Variants in XDH observed in about 807,000 individuals in gnomAD.
XDH encodes xanthine dehydrogenase.
Under a neutral mutation model 156.1 loss-of-function variants are expected in XDH, and 138 were observed. The ratio of observed to expected loss-of-function variants is 0.88; its 90% CI spans 0.77 to 1.02. The LOEUF (loss-of-function observed/expected upper bound fraction) is 1.02, where lower values mean the gene tolerates loss of function less well. Among genes scored for constraint, XDH ranks in the 50% least tolerant of loss-of-function variants. The probability of loss-of-function intolerance (pLI) is 0.00; values close to 1 mark genes in which losing one functional copy is unlikely to be tolerated. For missense variants in XDH, 1,849 were observed against 1,684.9 expected, an observed-to-expected ratio of 1.10 and a Z score of -1.71; for synonymous variants, 669 against 625.7, an observed-to-expected ratio of 1.07 and a Z score of -1.03.
Position 31,372,303 on chromosome 2 carries a change from C to G in XDH, c.1781G>C (p.Cys594Ser), listed in dbSNP as rs1362359913. ...ATTCTCGTAGCGAGGAATGTCGTCA[C>G]AGTACACGGCCTCACCAGAGGCCTG... Reference protein sequence around the residue: ...DMQASGEAVYCDDIPRYENEL... With the variant: ...DMQASGEAVYSDDIPRYENEL... Residue 594 changes from cysteine to serine, a missense_variant, in exon 17 of 36, where the codon TGT (cysteine) becomes TCT (serine). Transcript: ENST00000379416. The G allele has an allele frequency of 1.9e-6, 3 of 1,614,228 alleles. No homozygotes were observed. In the Admixed American group the frequency reaches 5.0e-5, roughly 27 times the overall value.
chr2:31,362,605 G>A (rs1685805470), intron 24 of XDH, among the ~76,000 whole-genome samples: 3 of 152,242 alleles, frequency 2.0e-5, no homozygotes, highest in Admixed American at 2.0e-4. Flanking sequence ...AATTCCTAAA[G>A]TAATTTACTA....
chr2:31,356,196 C>A (rs1252899877), intron 24 of XDH, among the ~76,000 whole-genome samples: 1 of 152,140 alleles, frequency 6.6e-6, no homozygotes, highest in Non-Finnish European at 1.5e-5. Context: ...ATGCTCCTCT[C>A]TCAAAATTGG....
intron 2 of XDH, among the ~76,000 whole-genome samples, chr2:31,405,550 T>C (rs1201381653): frequency 7.2e-5 from 11 of 152,244 alleles, no homozygotes; most frequent in African/African-American, 1.4e-4. Flanking sequence ...AGGAACTCCA[T>C]TTATGTATTA....
At chr2:31,388,695 G>C (rs1413220629) in intron 6 of XDH, among the ~76,000 whole-genome samples, 1 of 152,212 alleles carries the variant, frequency 6.6e-6, no homozygotes, top group Non-Finnish European at 1.5e-5. Flanking sequence ...AGATCAGCAA[G>C]GTTCTAGGGG....
At position 31,377,104 on chromosome 2, in the gene XDH, A is replaced by T; in HGVS notation, c.1376T>A (p.Met459Lys). ...VQELALCYGG[M>K]ANRTISALKT... ...GAGGGCTGAGATGGTTCTGTTGGCC[A>T]TTCCACCATAGCAAAGGGCCAGCTC... The change falls in exon 14 of 36, where the codon ATG becomes AAG. Residue 459 changes from methionine to lysine, a missense_variant. Transcript: ENST00000379416. 1.9e-6 allele frequency: 3 copies of T among 1,614,146 alleles called. No homozygotes were observed. The highest frequency in any genetic ancestry group is 2.5e-6 in the Non-Finnish European group (3 of 1,180,014).
chr2:31,365,042 A>G (rs1462058543), intron 23 of XDH, among the ~76,000 whole-genome samples: 1 of 152,178 alleles, frequency 6.6e-6, no homozygotes, highest in Admixed American at 6.5e-5. Context: ...TACCCATCCT[A>G]ACATCTTGGG....
Position 31,397,721 on chromosome 2 carries a change from A to G in XDH, c.442T>C (p.Cys148Arg). 1.2e-6 allele frequency: 2 copies of G among 1,614,200 alleles called. No individual in the cohort carries two copies. The highest frequency in any genetic ancestry group is 1.7e-6 in the Non-Finnish European group (2 of 1,180,014). Residue 148 changes from cysteine (C) to arginine (R), a missense_variant, in exon 6 of 36, where the codon TGC becomes CGC. Coordinates refer to ENST00000379416, the MANE Select transcript of XDH (RefSeq NM_000379.4). ...EIENAFQGNL[C>R]RCTGYRPILQ... ...ATGGGTCTGTAGCCTGTGCAGCGGC[A>G]CAGATTTCCTGTGGGCCAAGGAAAA... is the stretch of plus-strand genomic sequence containing the variant.
intron 35 of XDH, 128 bp downstream of exon 35, chr2:31,337,513 C>A: frequency 7.7e-7 from 1 of 1,290,558 alleles, no homozygotes. Context: ...TGAAGGGTGG[C>A]CATTGATGCA....
At chr2:31,393,399 T>C (rs1274547367) in intron 6 of XDH, among the ~76,000 whole-genome samples, 3 of 152,222 alleles carry the variant, frequency 2.0e-5, no homozygotes, top group Non-Finnish European at 4.4e-5. Context: ...TTTTCTCTGA[T>C]AACTGTTTGC....
At chr2:31,398,506 C>T in intron 5 of XDH, 67 bp downstream of exon 5, 1 of 1,609,748 alleles carries the variant, frequency 6.2e-7, no homozygotes, top group South Asian at 1.1e-5. Flanking sequence ...CACCCTGGCA[C>T]TTGCCCTGAC....
intron 34 of XDH, among the ~76,000 whole-genome samples, chr2:31,338,072 T>C (rs1685015777): frequency 6.6e-6 from 1 of 152,228 alleles, no homozygotes; most frequent in Non-Finnish European, 1.5e-5. Context: ...TTTTCTCTGA[T>C]GACATCATGC....
chr2:31,410,232 G>A (rs1419010072), intron 1 of XDH, among the ~76,000 whole-genome samples: 1 of 152,116 alleles, frequency 6.6e-6, no homozygotes, highest in African/African-American at 2.4e-5. Flanking sequence ...GGTAGAATAG[G>A]GAGTTATTAT....
At chr2:31,378,512 T>A (rs1572546566) in intron 13 of XDH, among the ~76,000 whole-genome samples, 1 of 152,240 alleles carries the variant, frequency 6.6e-6, no homozygotes, top group Admixed American at 6.5e-5. Context: ...CACCCACTTT[T>A]CCCTGAAGAA....
rs1453368838 is a variant in XDH at position 31,377,326 on chromosome 2, G to T, written c.1243-89C>A. Reference sequence around the variant, plus strand: ...CCAAACCACAGGGCTATGAGGTGAGGTGAGGGGATAACACCATCACACATC... The same window carrying T: ...CCAAACCACAGGGCTATGAGGTGAGTTGAGGGGATAACACCATCACACATC... On this transcript the variant is annotated intron_variant, in intron 13 of 35. Coordinates refer to ENST00000379416, the MANE Select transcript of XDH (RefSeq NM_000379.4). 4.1e-6 allele frequency: 6 copies of T among 1,454,716 alleles called. No individual in the cohort carries two copies. In the East Asian group the frequency reaches 1.1e-4, roughly 28 times the overall value. 90.1% of individuals were successfully genotyped at this position (1,454,716 alleles called of 1,614,324 possible). A position where few individuals can be genotyped will look rare whatever the true frequency, so the allele number is the denominator to read the frequency against.
intron 26 of XDH, 43 bp from the exon 27 acceptor site, chr2:31,349,023 T>C (rs774012765): frequency 2.5e-6 from 4 of 1,570,132 alleles, no homozygotes; most frequent in Non-Finnish European, 1.8e-6. Flanking sequence ...CGCTATCATA[T>C]TGAGGACATG....
chr2:31,359,588 C>A (rs560016474), intron 24 of XDH, among the ~76,000 whole-genome samples: 1 of 152,104 alleles, frequency 6.6e-6, no homozygotes, highest in Non-Finnish European at 1.5e-5. Flanking sequence ...AGAGGCCTAC[C>A]TACTTAGAAG....
At chr2:31,345,457 A>T (rs1408374030) in intron 30 of XDH, among the ~76,000 whole-genome samples, 1 of 152,184 alleles carries the variant, frequency 6.6e-6, no homozygotes, top group Admixed American at 6.6e-5. Flanking sequence ...ACAGACTCAG[A>T]TTTAAGTTGT....
At chr2:31,383,217 G>C (rs1364330513) in intron 10 of XDH, 65 bp from the exon 11 acceptor site, 162 of 1,610,602 alleles carry the variant, frequency 1.0e-4, no homozygotes, top group Non-Finnish European at 1.3e-4. Flanking sequence ...TTCATGCACA[G>C]CTCCTCTGAA....
intron 7 of XDH, 82 bp downstream of exon 7, chr2:31,388,145 G>A (rs1394193078): frequency 1.1e-5 from 16 of 1,503,254 alleles, no homozygotes; most frequent in South Asian, 5.7e-5. Context: ...AGCCCCCACC[G>A]CCAGGGACAT....
Sources: gnomAD v4.1 joint callset for allele counts (sites outside exome capture counted in the v4.1 genomes callset) on GRCh38, gnomAD v4.1.1 for gene constraint, MANE v1.5 for transcripts, NCBI Gene and HGNC (gene_info 2026-07-23, HGNC 2026-07-21) for gene names.